GALK2: variants seen among roughly 807,000 people sequenced by gnomAD.
GALK2 encodes N-acetylgalactosamine kinase.
GALK2 carries 36 observed loss-of-function variants against 52.4 expected under a neutral mutation model. The ratio of observed to expected loss-of-function variants is 0.69; its 90% CI spans 0.53 to 0.91. GALK2 has a LOEUF of 0.91. Ranked by LOEUF, GALK2 falls within the 40% of genes least tolerant of loss-of-function variation. The probability of loss-of-function intolerance (pLI) is 0.00; values close to 1 mark genes in which losing one functional copy is unlikely to be tolerated. For synonymous variants in GALK2, 176 were observed against 199.1 expected, an observed-to-expected ratio of 0.88 and a Z score of 0.98; for missense variants, 579 against 559.1, an observed-to-expected ratio of 1.04 and a Z score of -0.36.
At chr15:49,292,702 T>A (rs960923646) in intron 8 of GALK2, among the ~76,000 whole-genome samples, 165 bp downstream of exon 8, 1 of 152,234 alleles carries the variant, frequency 6.6e-6, no homozygotes, top group Non-Finnish European at 1.5e-5. Flanking sequence ...TCATTCATTC[T>A]TTCATTCACC....
intron 1 of GALK2, among the ~76,000 whole-genome samples, chr15:49,186,615 C>G (rs1395644582): frequency 6.7e-6 from 1 of 149,974 alleles, no homozygotes; most frequent in Non-Finnish European, 1.5e-5. Context: ...TCTCAGCTCA[C>G]TGCAACCTCC....
chr15:49,171,066 TTTTC>T (rs887572470), intron 1 of GALK2, among the ~76,000 whole-genome samples: 22 of 146,850 alleles, frequency 1.5e-4, no homozygotes, highest in Admixed American at 1.1e-3. Flanking sequence ...TTCCTTTCTT[TTTTC>T]TTTTTCTTTT....
chr15:49,180,905 G>A (rs73390384), intron 1 of GALK2, among the ~76,000 whole-genome samples: 1 of 151,928 alleles, frequency 6.6e-6, no homozygotes, highest in South Asian at 2.1e-4. Context: ...TCATAGCAGG[G>A]ACTAAATGAT....
In GALK2 at chr15:49,253,975, T is replaced by C. The variant is rs1307359830; in HGVS notation, c.504+14608T>C. 3.5e-5 allele frequency among the ~76,000 whole-genome samples: 5 copies of C among 143,998 alleles called. 2 individuals are homozygous for C. Among genetic ancestry groups the C allele is most frequent in the Non-Finnish European group, 6.2e-5 (4 of 64,166 alleles). 94.5% of individuals were successfully genotyped at this position (143,998 alleles called of 152,430 possible). On this transcript the variant is annotated intron_variant, in intron 5 of 9. Coordinates refer to ENST00000560031, the MANE Select transcript of GALK2 (RefSeq NM_002044.4). ...CACTGGTATTGACAATAGGGATGAA[T>C]TTTCAATCTTGAAGGACATATAAAT...
chr15:49,349,482 T>C (rs1388771348), intron 3 of GALK2, among the ~76,000 whole-genome samples: 4 of 152,218 alleles, frequency 2.6e-5, no homozygotes. Flanking sequence ...TCCTTTATTT[T>C]ACTATGCCTT....
At chr15:49,292,240 A>C (rs1418520033) in intron 7 of GALK2, 87 bp from the exon 8 acceptor site, 1 of 1,229,650 alleles carries the variant, frequency 8.1e-7, no homozygotes, top group East Asian at 2.3e-5. Flanking sequence ...AAAACAAAAA[A>C]CAGCTTAACG....
At chr15:49,277,116 A>C (rs1032206290) in intron 5 of GALK2, among the ~76,000 whole-genome samples, 3 of 105,774 alleles carry the variant, frequency 2.8e-5, no homozygotes, top group Non-Finnish European at 1.8e-5. Context: ...GCGCCCGCCA[A>C]CACGCCCGGC....
intron 5 of GALK2, among the ~76,000 whole-genome samples, chr15:49,270,785 G>A (rs2030413401): frequency 6.6e-6 from 1 of 152,124 alleles, no homozygotes; most frequent in African/African-American, 2.4e-5. Context: ...ATATCTGTAT[G>A]ATCAGATCCA....
chr15:49,303,136 C>T (rs1567041033), intron 8 of GALK2, among the ~76,000 whole-genome samples: 1 of 152,080 alleles, frequency 6.6e-6, no homozygotes, highest in Non-Finnish European at 1.5e-5. Context: ...AATAAAGGTT[C>T]CTACCTTGTT....
intron 8 of GALK2, among the ~76,000 whole-genome samples, chr15:49,296,249 G>C (rs949942135): frequency 5.3e-5 from 8 of 152,150 alleles, no homozygotes; most frequent in African/African-American, 1.9e-4. Context: ...TATCCAAAGG[G>C]TAGTGTTTTG....
chr15:49,156,215 T>C (rs191165028), intron 1 of GALK2: 5 of 599,316 alleles, frequency 8.3e-6, no homozygotes, highest in Non-Finnish European at 1.5e-5. Context: ...TACTCAGTTG[T>C]TCAACGAGTT....
chr15:49,257,287 A>G (rs2091853945), intron 5 of GALK2, among the ~76,000 whole-genome samples: 1 of 152,168 alleles, frequency 6.6e-6, no homozygotes, highest in Admixed American at 6.5e-5. Flanking sequence ...GTTCTAGTAA[A>G]GACTGTTCCT....
downstream of GALK2, among the ~76,000 whole-genome samples, chr15:49,333,841 A>G (rs924716366): frequency 6.6e-6 from 1 of 152,212 alleles, no homozygotes; most frequent in Non-Finnish European, 1.5e-5. Context: ...TTATAAAATA[A>G]ATGAGCCCAA....
downstream of GALK2, among the ~76,000 whole-genome samples, chr15:49,332,069 G>A (rs546258428): frequency 1.1e-3 from 159 of 145,832 alleles, 1 homozygote; most frequent in Non-Finnish European, 2.1e-3. Context: ...ACCCACCCCC[G>A]CTGCATGTGC....
Position 49,360,697 on chromosome 15 carries a change from T to C in GALK2, c.427-6794T>C, listed in dbSNP as rs148099563. Among the ~76,000 whole-genome samples, 289 of 152,318 alleles carry C rather than the reference T, an allele frequency of 1.9e-3. 2 individuals are homozygous for C. The highest frequency in any genetic ancestry group is 6.4e-3 in the African/African-American group (266 of 41,574). ...CAAAGTTTTTCTCCTGTTTTACTCATAATTCAAATATCAAGTGACCAAGTT... is the reference window on the plus strand; with the variant it reads ...CAAAGTTTTTCTCCTGTTTTACTCACAATTCAAATATCAAGTGACCAAGTT... On this transcript the variant is annotated intron_variant, in intron 3 of 3. Transcript: ENST00000558399.
At chr15:49,337,508 CTTTTTTTTTTTTTT>C (rs33973907) in intron 3 of GALK2, among the ~76,000 whole-genome samples, 1 of 36,080 alleles carries the variant, frequency 2.8e-5, no homozygotes, top group Admixed American at 3.3e-4. Context: ...CATTTACCCA[CTTTTTTTTTTTTTT>C]TTTTTTTTTT....
chr15:49,264,206 C>G (rs966682016), intron 5 of GALK2, among the ~76,000 whole-genome samples: 34 of 151,918 alleles, frequency 2.2e-4, no homozygotes, highest in African/African-American at 8.2e-4. Context: ...TTCAGGTACA[C>G]CAATCAGACG....
chr15:49,225,973 G>A (rs916568513), intron 3 of GALK2, among the ~76,000 whole-genome samples: 3 of 152,238 alleles, frequency 2.0e-5, no homozygotes, highest in African/African-American at 7.2e-5. Context: ...CTTGGAAGGG[G>A]CTGGTGGGCA....
chr15:49,195,540 G>T (rs1037741925), intron 1 of GALK2, among the ~76,000 whole-genome samples: 1 of 152,136 alleles, frequency 6.6e-6, no homozygotes, highest in East Asian at 1.9e-4. Flanking sequence ...CGCATATGAA[G>T]TCTACTGATT....
Sources: gnomAD v4.1 joint callset for allele counts (sites outside exome capture counted in the v4.1 genomes callset) on GRCh38, gnomAD v4.1.1 for gene constraint, MANE v1.5 for transcripts, NCBI Gene and HGNC (gene_info 2026-07-23, HGNC 2026-07-21) for gene names.